Variants in PACRGL observed in about 807,000 individuals in gnomAD.
PACRGL encodes the protein parkin coregulated like.
A neutral mutation model predicts 34.5 loss-of-function variants in PACRGL; 38 were observed. That is an observed-to-expected ratio of 1.10 (90% CI 0.85 to 1.44). The LOEUF is 1.44. PACRGL is among the 40% of genes most tolerant of loss of function. The pLI, the probability that PACRGL is intolerant of heterozygous loss-of-function variation, is 0.00. For synonymous variants in PACRGL, 128 were observed against 100.1 expected, an observed-to-expected ratio of 1.28 and a Z score of -1.66; for missense variants, 305 against 281.4, an observed-to-expected ratio of 1.08 and a Z score of -0.60.
chr4:20,720,401 G>T (rs182515024), intron 7 of PACRGL, among the ~76,000 whole-genome samples: 1 of 152,166 alleles, frequency 6.6e-6, no homozygotes, highest in Non-Finnish European at 1.5e-5. Context: ...TTGCTCATTA[G>T]TTGATGCAGT....
At chr4:20,736,606 T>C (rs1749692002), downstream of PACRGL, among the ~76,000 whole-genome samples, 1 of 152,166 alleles carries the variant, frequency 6.6e-6, no homozygotes, top group Admixed American at 6.6e-5. Flanking sequence ...TGGCCTAATA[T>C]ATATAGAACA....
chr4:20,752,121 C>T (rs569442536), intron 8 of PACRGL, among the ~76,000 whole-genome samples: 7 of 146,684 alleles, frequency 4.8e-5, no homozygotes, highest in African/African-American at 1.3e-4. Context: ...TGCAATGGCA[C>T]GATCTCGGGT....
intron 8 of PACRGL, among the ~76,000 whole-genome samples, chr4:20,737,653 A>G (rs1270288044): frequency 1.3e-5 from 2 of 152,200 alleles, no homozygotes; most frequent in Non-Finnish European, 2.9e-5. Flanking sequence ...AGAAGAGGTA[A>G]GAATCTGAGG....
intron 6 of PACRGL, chr4:20,713,128 C>CT: frequency 1.7e-6 from 1 of 578,978 alleles, no homozygotes; most frequent in Non-Finnish European, 2.9e-6. Context: ...AGAGGATGTA[C>CT]TAAAGGTAAA....
intron 8 of PACRGL, among the ~76,000 whole-genome samples, chr4:20,738,697 C>T (rs1416043770): frequency 6.6e-6 from 1 of 152,238 alleles, no homozygotes; most frequent in Non-Finnish European, 1.5e-5. Context: ...TGGGTGATTT[C>T]TGCATTTCCA....
chr4:20,757,558 A>G (rs547254405), downstream of PACRGL, among the ~76,000 whole-genome samples: 73 of 152,258 alleles, frequency 4.8e-4, no homozygotes, highest in South Asian at 0.011. Context: ...AAATCCTGGC[A>G]ATTTCCTGCA....
intron 8 of PACRGL, among the ~76,000 whole-genome samples, chr4:20,742,595 C>T (rs886252665): frequency 2.0e-5 from 3 of 152,090 alleles, no homozygotes; most frequent in African/African-American, 7.2e-5. Flanking sequence ...ATGGCAAACC[C>T]ACAGCCAATA....
Position 20,742,302 on chromosome 4 carries a change from G to A in PACRGL, c.*57-10263G>A, listed in dbSNP as rs187165432. 2.7e-3 allele frequency among the ~76,000 whole-genome samples: 407 copies of A among 152,232 alleles called. 5 individuals carry two copies. Among genetic ancestry groups the A allele is most frequent in the African/African-American group, 9.1e-3 (379 of 41,542 alleles). On this transcript the variant is annotated intron_variant, in intron 8 of 8. Coordinates refer to the PACRGL transcript ENST00000507634. ...TAGACCAATATCCCTGCTGAACATCGATGCAAAAATCCTCAATAAAATATT... is the reference window on the plus strand; with the variant it reads ...TAGACCAATATCCCTGCTGAACATCAATGCAAAAATCCTCAATAAAATATT...
chr4:20,696,465 A>T (rs1731249361), upstream of PACRGL: 1 of 152,254 alleles, frequency 6.6e-6, no homozygotes, highest in Non-Finnish European at 1.5e-5. Context: ...ACCAGATGCC[A>T]CACTCCTCCA....
Position 20,728,842 on chromosome 4 carries a change from T to G in PACRGL, c.*1501T>G, listed in dbSNP as rs192700735. The stretch of plus-strand genomic sequence containing the variant: ...ATTTCCTCCTTCTGTAGCCTCTTGG[T>G]CTTTGTGATATTTCTACAAAACAGG... On this transcript the variant is annotated 3_prime_UTR_variant, in exon 9 of 9. Transcript: ENST00000503585. 2 of 152,614 alleles carry G rather than the reference T, an allele frequency of 1.3e-5. No individual in the cohort carries two copies. The highest frequency in any genetic ancestry group is 1.3e-4 in the Admixed American group (2 of 15,292). 9.5% of individuals were successfully genotyped at this position (152,614 alleles called of 1,614,324 possible). A position where few individuals can be genotyped will look rare whatever the true frequency, so the allele number is the denominator to read the frequency against.
At chr4:20,755,811 C>T (rs1578542223), downstream of PACRGL, among the ~76,000 whole-genome samples, 1 of 152,096 alleles carries the variant, frequency 6.6e-6, no homozygotes, top group Admixed American at 6.5e-5. Flanking sequence ...GAGGGAACAG[C>T]AGGTTCAAAG....
intron 7 of PACRGL, among the ~76,000 whole-genome samples, chr4:20,716,849 A>T (rs557954885): frequency 3.2e-4 from 49 of 152,240 alleles, no homozygotes; most frequent in Non-Finnish European, 5.7e-4. Context: ...GTATATACCC[A>T]GTAATGGGAT....
At chr4:20,734,252 A>G (rs773807036), downstream of PACRGL, among the ~76,000 whole-genome samples, 205 of 152,292 alleles carry the variant, frequency 1.3e-3, 5 homozygotes, top group Non-Finnish European at 1.3e-3. Flanking sequence ...CACAATCCCC[A>G]TGATTGTAAA....
intron 7 of PACRGL, among the ~76,000 whole-genome samples, chr4:20,721,046 ACTT>A (rs1742850764): frequency 6.6e-6 from 1 of 151,226 alleles, no homozygotes; most frequent in African/African-American, 2.4e-5. Flanking sequence ...TTTTCTCTAA[ACTT>A]CACTTCTCGC....
At chr4:20,734,293 G>C (rs1172956787), downstream of PACRGL, among the ~76,000 whole-genome samples, 2 of 152,070 alleles carry the variant, frequency 1.3e-5, no homozygotes, top group Non-Finnish European at 2.9e-5. Flanking sequence ...ACATGCTGTG[G>C]GGAAAAGAAA....
chr4:20,733,041 A>T (rs990989424), downstream of PACRGL, among the ~76,000 whole-genome samples: 2 of 152,232 alleles, frequency 1.3e-5, no homozygotes, highest in African/African-American at 2.4e-5. Flanking sequence ...TGTATCTACC[A>T]TAGTCAGGAA....
In PACRGL at chr4:20,731,960, C is replaced by T. The variant is rs770875256; in HGVS notation, c.*4619C>T. On this transcript the variant is annotated 3_prime_UTR_variant, in exon 9 of 9. Transcript: ENST00000503585. Reference sequence around the variant, plus strand: ...AGCTAGCTGCTAATACTCAGTTTAGCTGTTATGATAGCTGAATTGATAGTT... The same window carrying T: ...AGCTAGCTGCTAATACTCAGTTTAGTTGTTATGATAGCTGAATTGATAGTT... 5.0e-6 allele frequency: 8 copies of T among 1,609,268 alleles called. No individual in the cohort carries two copies. Among genetic ancestry groups the T allele is most frequent in the African/African-American group, 1.3e-5 (1 of 74,856 alleles).
At chr4:20,742,894 A>G (rs965106711) in intron 8 of PACRGL, among the ~76,000 whole-genome samples, 2 of 152,156 alleles carry the variant, frequency 1.3e-5, no homozygotes, top group Admixed American at 6.5e-5. Context: ...CAATGTGCAA[A>G]AATCACAGGC....
rs1747052513 is a variant in PACRGL at position 20,729,183 on chromosome 4, T to G, written c.*1842T>G. 6.6e-6 allele frequency: 1 copy of G among 151,866 alleles called. No homozygotes were observed. The highest frequency in any genetic ancestry group is 1.5e-5 in the Non-Finnish European group (1 of 68,018). 9.4% of individuals were successfully genotyped at this position (151,866 alleles called of 1,614,324 possible). ...GGAAGTCAGGGGAAAGAGGACAGAT[T>G]TGGCCTTTAATGCTGTTAGGATTAC... On this transcript the variant is annotated 3_prime_UTR_variant, in exon 9 of 9. Coordinates refer to ENST00000503585, the MANE Select transcript of PACRGL (RefSeq NM_001258345.3).
Sources: gnomAD v4.1 joint callset for allele counts (sites outside exome capture counted in the v4.1 genomes callset) on GRCh38, gnomAD v4.1.1 for gene constraint, MANE v1.5 for transcripts, NCBI Gene and HGNC (gene_info 2026-07-23, HGNC 2026-07-21) for gene names.